CSPP1: variants seen among roughly 807,000 people sequenced by gnomAD.
The protein encoded by CSPP1 is centrosome and spindle pole associated protein 1.
CSPP1 carries 126 observed loss-of-function variants against 164.4 expected under a neutral mutation model. The ratio of observed to expected loss-of-function variants is 0.77; its 90% CI spans 0.66 to 0.89. CSPP1 has a LOEUF of 0.89. Among genes scored for constraint, CSPP1 ranks in the 40% least tolerant of loss-of-function variants. The probability of loss-of-function intolerance (pLI) is 0.00; values close to 1 mark genes in which losing one functional copy is unlikely to be tolerated. For missense variants in CSPP1, 1,395 were observed against 1,449.8 expected, an observed-to-expected ratio of 0.96 and a Z score of 0.61; for synonymous variants, 472 against 476.7, an observed-to-expected ratio of 0.99 and a Z score of 0.13.
At chr8:67,088,697 C>A (rs1156739095) in intron 4 of CSPP1, among the ~76,000 whole-genome samples, 1 of 150,996 alleles carries the variant, frequency 6.6e-6, no homozygotes, top group Non-Finnish European at 1.5e-5. Context: ...GAAATCGAGA[C>A]CATCCTGGCT....
chr8:67,138,573 G>T (rs1471007881), intron 17 of CSPP1, among the ~76,000 whole-genome samples: 2 of 152,104 alleles, frequency 1.3e-5, no homozygotes, highest in Non-Finnish European at 2.9e-5. Flanking sequence ...TATTAGGATG[G>T]TCTTTGTTTA....
At chr8:67,133,009 A>G (rs1284858124) in intron 16 of CSPP1, among the ~76,000 whole-genome samples, 1 of 152,232 alleles carries the variant, frequency 6.6e-6, no homozygotes, top group Non-Finnish European at 1.5e-5. Context: ...TTAAAATTAC[A>G]GAATTACCAA....
intron 9 of CSPP1, among the ~76,000 whole-genome samples, chr8:67,110,043 A>G (rs1270030306): frequency 1.3e-5 from 2 of 151,804 alleles, no homozygotes; most frequent in African/African-American, 4.8e-5. Flanking sequence ...ATCCCCATGC[A>G]AGTTCCCACC....
intron 24 of CSPP1, among the ~76,000 whole-genome samples, chr8:67,171,948 A>G (rs1830549941): frequency 6.6e-6 from 1 of 151,902 alleles, no homozygotes; most frequent in African/African-American, 2.4e-5. Context: ...CTTGGGTTCA[A>G]GTGATTCTGC....
intron 30 of CSPP1, 105 bp from the exon 31 acceptor site, chr8:67,195,277 T>TG: frequency 1.3e-6 from 1 of 775,962 alleles, no homozygotes. Flanking sequence ...TATGAGACTG[T>TG]GGGGAAATGC....
chr8:67,178,427 G>A (rs893604585), intron 27 of CSPP1, among the ~76,000 whole-genome samples: 1 of 152,172 alleles, frequency 6.6e-6, no homozygotes, highest in Admixed American at 6.5e-5. Context: ...TCTAGGTGCC[G>A]GGGTATAGGA....
chr8:67,154,583 G>T (rs1345002790), intron 19 of CSPP1, among the ~76,000 whole-genome samples: 2 of 151,970 alleles, frequency 1.3e-5, no homozygotes, highest in African/African-American at 2.4e-5. Flanking sequence ...AGCCAGGATG[G>T]TCTTGATCTC....
intron 13 of CSPP1, 98 bp downstream of exon 13, chr8:67,116,220 A>C: frequency 1.1e-6 from 1 of 877,644 alleles, no homozygotes; most frequent in South Asian, 1.6e-5. Context: ...TATTCTTCAG[A>C]GATTTTGTAC....
chr8:67,155,663 C>T (rs1826523282), intron 19 of CSPP1, among the ~76,000 whole-genome samples: 1 of 152,072 alleles, frequency 6.6e-6, no homozygotes, highest in Non-Finnish European at 1.5e-5. Context: ...TAGTGTGTGC[C>T]TGTCACCCCA....
intron 17 of CSPP1, among the ~76,000 whole-genome samples, chr8:67,143,838 GT>G (rs1007070146): frequency 3.3e-5 from 5 of 152,214 alleles, no homozygotes; most frequent in African/African-American, 1.2e-4. Flanking sequence ...AGTTTTAGTA[GT>G]TTTTTTGTAG....
chr8:67,187,118 C>A (rs569881434), intron 28 of CSPP1, among the ~76,000 whole-genome samples: 1 of 152,228 alleles, frequency 6.6e-6, no homozygotes, highest in East Asian at 1.9e-4. Flanking sequence ...CAGGATGACT[C>A]AGTATTGTCA....
chr8:67,124,321 A>G (rs1819630350), intron 15 of CSPP1, among the ~76,000 whole-genome samples: 1 of 152,194 alleles, frequency 6.6e-6, no homozygotes, highest in South Asian at 2.1e-4. Flanking sequence ...TTAATTTAAA[A>G]TAAATGAGTT....
At chr8:67,093,337 C>T (rs1359552595) in intron 5 of CSPP1, among the ~76,000 whole-genome samples, 1 of 152,168 alleles carries the variant, frequency 6.6e-6, no homozygotes, top group African/African-American at 2.4e-5. Flanking sequence ...CAAGAAAGAC[C>T]TGGGGAGCTG....
At chr8:67,106,665 C>T (rs1468012142) in intron 9 of CSPP1, among the ~76,000 whole-genome samples, 1 of 152,036 alleles carries the variant, frequency 6.6e-6, no homozygotes, top group Non-Finnish European at 1.5e-5. Context: ...ATACCAGAAA[C>T]TGTGAGGAGA....
chr8:67,146,628 C>G (rs1031462260), intron 17 of CSPP1, among the ~76,000 whole-genome samples: 5 of 152,170 alleles, frequency 3.3e-5, no homozygotes, highest in African/African-American at 1.2e-4. Flanking sequence ...CTGTGTCAGC[C>G]ATGAATTGCT....
Position 67,195,792 on chromosome 8 carries a change from A to G in CSPP1, c.*199A>G. 1 of 549,470 alleles carries G rather than the reference A, an allele frequency of 1.8e-6. No homozygotes were observed. The highest frequency in any genetic ancestry group is 3.3e-6 in the Non-Finnish European group (1 of 307,242). 34.0% of individuals were successfully genotyped at this position (549,470 alleles called of 1,614,324 possible). A position where few individuals can be genotyped will look rare whatever the true frequency, so the allele number is the denominator to read the frequency against. Reference sequence around the variant, plus strand: ...TTATTGATTTATATAATAGAATTGTATAGATTATTTTTGCACAGTTTTGTC... The same window carrying G: ...TTATTGATTTATATAATAGAATTGTGTAGATTATTTTTGCACAGTTTTGTC... On this transcript the variant is annotated 3_prime_UTR_variant, in exon 31 of 31. Coordinates refer to ENST00000678616, the MANE Select transcript of CSPP1 (RefSeq NM_001382391.1).
Position 67,195,542 on chromosome 8 carries a change from TG to T in CSPP1, c.3632del (p.Gly1211GlufsTer25). On this transcript the variant is annotated frameshift_variant, in exon 31 of 31. Transcript: ENST00000678616. LOFTEE classifies it high-confidence loss of function. The part of the protein sequence containing the change: ...QLNQEQQQIP[G>X]KPGTFTWQGL... Reference sequence around the variant, plus strand: ...TGAACCAGGAGCAGCAGCAGATTCCTGGAAAACCAGGCACTTTCACTTGGCA... The same window carrying T: ...TGAACCAGGAGCAGCAGCAGATTCCTGAAAACCAGGCACTTTCACTTGGCA... The T allele has an allele frequency of 6.2e-7, 1 of 1,614,188 alleles. No individual in the cohort carries two copies. The highest frequency in any genetic ancestry group is 8.5e-7 in the Non-Finnish European group (1 of 1,180,030).
intron 18 of CSPP1, among the ~76,000 whole-genome samples, chr8:67,153,612 A>G (rs1425015175): frequency 6.6e-6 from 1 of 152,112 alleles, no homozygotes; most frequent in African/African-American, 2.4e-5. Flanking sequence ...AGAAAATTTT[A>G]AATATATGTT....
intron 30 of CSPP1, among the ~76,000 whole-genome samples, chr8:67,194,061 AGTC>A (rs3217663): frequency 0.13 from 19,387 of 152,092 alleles, 2,454 homozygotes; most frequent in African/African-American, 0.33. Context: ...AAATAAAGCT[AGTC>A]GTCTCCTCAT....
Sources: gnomAD v4.1 joint callset for allele counts (sites outside exome capture counted in the v4.1 genomes callset) on GRCh38, gnomAD v4.1.1 for gene constraint, MANE v1.5 for transcripts, NCBI Gene and HGNC (gene_info 2026-07-23, HGNC 2026-07-21) for gene names.